SLC30A7: variants seen among roughly 807,000 people sequenced by gnomAD.
The protein encoded by SLC30A7 is zinc transporter 7.
Under a neutral mutation model 46.0 loss-of-function variants are expected in SLC30A7, and 35 were observed. The ratio of observed to expected loss-of-function variants is 0.76; its 90% confidence interval spans 0.58 to 1.01. The LOEUF is 1.01. Among genes scored for constraint, SLC30A7 ranks in the 50% least tolerant of loss-of-function variants. SLC30A7 has a pLI of 0.00. For missense variants in SLC30A7, 464 were observed against 451.1 expected, an observed-to-expected ratio of 1.03 and a Z score of -0.26; for synonymous variants, 147 against 157.8, an observed-to-expected ratio of 0.93 and a Z score of 0.51.
chr1:100,948,209 G>T (rs930015820), intron 8 of SLC30A7, among the ~76,000 whole-genome samples: 1 of 152,068 alleles, frequency 6.6e-6, no homozygotes, highest in African/African-American at 2.4e-5. Context: ...TCCATGTTTA[G>T]TGTTTCCTTC....
downstream of SLC30A7, among the ~76,000 whole-genome samples, chr1:100,985,094 C>T (rs1657190304): frequency 1.3e-5 from 2 of 152,102 alleles, no homozygotes; most frequent in Admixed American, 6.5e-5. Flanking sequence ...TCAATGAATT[C>T]ATAGATGGAT....
Position 100,958,269 on chromosome 1 carries a change from C to T in SLC30A7, c.843-3559C>T, listed in dbSNP as rs571414477. On this transcript the variant is annotated intron_variant, in intron 8 of 10. Coordinates refer to ENST00000357650, the MANE Select transcript of SLC30A7 (RefSeq NM_133496.5). ...TCGGCTCACTGCAAGCTCCACCTCC[C>T]GGGTTCACGCCATTCTCCTGCCTCA... Among the ~76,000 whole-genome samples the T allele has an allele frequency of 1.2e-3, 188 of 152,178 alleles. 1 individual carries two copies. Among genetic ancestry groups the T allele is most frequent in the African/African-American group, 4.4e-3 (182 of 41,540 alleles).
chr1:100,956,404 G>A (rs1268479346), intron 8 of SLC30A7, among the ~76,000 whole-genome samples: 1 of 152,142 alleles, frequency 6.6e-6, no homozygotes, highest in Non-Finnish European at 1.5e-5. Flanking sequence ...TGGTGGCAGG[G>A]AGTAGCAGAC....
At chr1:100,943,271 T>C (rs1050414324) in intron 8 of SLC30A7, among the ~76,000 whole-genome samples, 2 of 152,158 alleles carry the variant, frequency 1.3e-5, no homozygotes, top group African/African-American at 2.4e-5. Flanking sequence ...ATTAATTTAC[T>C]AAAGCAGCTC....
chr1:100,950,227 T>C (rs1431417921), intron 8 of SLC30A7, among the ~76,000 whole-genome samples: 1 of 152,248 alleles, frequency 6.6e-6, no homozygotes, highest in Admixed American at 6.5e-5. Flanking sequence ...ATTAATCCTT[T>C]GGAAACATGA....
chr1:100,908,946 C>T (rs1278688104), intron 3 of SLC30A7, among the ~76,000 whole-genome samples: 1 of 151,864 alleles, frequency 6.6e-6, no homozygotes, highest in African/African-American at 2.4e-5. Context: ...GCTTTGAATA[C>T]CTTCAGTACC....
chr1:100,915,059 T>G (rs1243245922), intron 6 of SLC30A7, among the ~76,000 whole-genome samples: 1 of 152,130 alleles, frequency 6.6e-6, no homozygotes, highest in Non-Finnish European at 1.5e-5. Context: ...CTATGATTTC[T>G]CCAATAAACA....
intron 8 of SLC30A7, among the ~76,000 whole-genome samples, chr1:100,924,920 C>T (rs532755705): frequency 6.6e-6 from 1 of 152,180 alleles, no homozygotes; most frequent in East Asian, 1.9e-4. Flanking sequence ...ATTTATTAAG[C>T]AGGCCCTCTC....
chr1:100,922,379 A>G (rs1320664628), intron 8 of SLC30A7, among the ~76,000 whole-genome samples: 1 of 152,234 alleles, frequency 6.6e-6, no homozygotes, highest in Non-Finnish European at 1.5e-5. Context: ...ATTCAAATCA[A>G]TAGTAATTTT....
At chr1:100,991,806 C>T in the SLC30A7 span, among the ~76,000 whole-genome samples, 1 of 107,490 alleles carries the variant, frequency 9.3e-6, no homozygotes, top group Non-Finnish European at 2.0e-5. Flanking sequence ...AAAAAAAAGT[C>T]TCACAGTGGG....
chr1:100,958,061 ATCC>A (rs1191133294), intron 8 of SLC30A7, among the ~76,000 whole-genome samples: 1 of 152,180 alleles, frequency 6.6e-6, no homozygotes, highest in Non-Finnish European at 1.5e-5. Context: ...CACTGTCAAA[ATCC>A]TTAAGTCCAT....
At chr1:100,921,064 C>A (rs1300345176) in intron 7 of SLC30A7, among the ~76,000 whole-genome samples, 1 of 152,036 alleles carries the variant, frequency 6.6e-6, no homozygotes, top group African/African-American at 2.4e-5. Context: ...AGTATAACAT[C>A]AGTATCCTAC....
chr1:100,913,698 C>G lies in SLC30A7; in HGVS notation c.547C>G (p.Leu183Val). The change falls in exon 6 of 11, where the codon CTA becomes GTA. Residue 183 changes from leucine to valine, a missense_variant. Leu to Val is a conservative substitution (Grantham distance 32). Transcript: ENST00000357650. ...CAGTCATTCCCTCTTTAATGGTGCT[C>G]TAGATCAGGCACATGGCCATGTCGA... ...GHSHSLFNGA[L>V]DQAHGHVDHC... 2 of 1,613,874 alleles carry G rather than the reference C, an allele frequency of 1.2e-6. No individual in the cohort carries two copies. The highest frequency in any genetic ancestry group is 2.2e-5 in the East Asian group (1 of 44,868).
At chr1:100,917,962 T>C in intron 6 of SLC30A7, 115 bp from the exon 7 acceptor site, 1 of 626,944 alleles carries the variant, frequency 1.6e-6, no homozygotes, top group Non-Finnish European at 2.7e-6. Context: ...GTAAGTTTGA[T>C]ATGGCTATAT....
chr1:100,971,261 G>T (rs150262009), intron 10 of SLC30A7, among the ~76,000 whole-genome samples: 2,799 of 152,142 alleles, frequency 0.018, 42 homozygotes, highest in Middle Eastern at 0.048. Flanking sequence ...CTTGAGGGAG[G>T]GGGTACAGAG....
At chr1:100,910,284 G>A (rs937851801) in intron 3 of SLC30A7, among the ~76,000 whole-genome samples, 2 of 152,036 alleles carry the variant, frequency 1.3e-5, no homozygotes, top group African/African-American at 4.8e-5. Context: ...ATGTAAAAAT[G>A]CTAAGTTAAA....
At chr1:100,914,032 A>G (rs1320146603) in intron 6 of SLC30A7, among the ~76,000 whole-genome samples, 1 of 152,226 alleles carries the variant, frequency 6.6e-6, no homozygotes, top group East Asian at 1.9e-4. Context: ...TCATAATAAA[A>G]TGCCACTTTT....
At chr1:100,938,591 C>T (rs780082797) in intron 8 of SLC30A7, among the ~76,000 whole-genome samples, 10 of 152,206 alleles carry the variant, frequency 6.6e-5, no homozygotes, top group Non-Finnish European at 1.2e-4. Context: ...TTAGTTGTCT[C>T]CTCTGTTCAG....
At chr1:100,936,132 A>T (rs1428368478) in intron 8 of SLC30A7, among the ~76,000 whole-genome samples, 3 of 150,710 alleles carry the variant, frequency 2.0e-5, no homozygotes, top group Non-Finnish European at 4.4e-5. Context: ...ACAGTTTACC[A>T]TAGTAGTATT....
Sources: allele counts gnomAD v4.1 joint callset (sites outside exome capture counted in the v4.1 genomes callset), GRCh38; gene constraint gnomAD v4.1.1; transcripts MANE v1.5; gene names NCBI Gene and HGNC (gene_info 2026-07-23, HGNC 2026-07-21).